Variants in KATNAL2 observed in about 807,000 individuals in gnomAD.
KATNAL2 encodes the protein katanin p60 ATPase-containing subunit A-like 2.
KATNAL2 carries 52 observed loss-of-function variants against 76.3 expected under a neutral mutation model. The observed-to-expected ratio is 0.68, with a 90% CI of 0.55 to 0.86. KATNAL2 has a LOEUF of 0.86. Among genes scored for constraint, KATNAL2 ranks in the 40% least tolerant of loss-of-function variants. The pLI, the probability that KATNAL2 is intolerant of heterozygous loss-of-function variation, is 0.00. For missense variants in KATNAL2, 660 were observed against 668.9 expected (o/e 0.99, Z 0.15); for synonymous variants, 243 against 244.2 (o/e 1.00, Z 0.05).
intron 3 of KATNAL2, chr18:47,034,032 T>C (rs1480913404): frequency 1.9e-6 from 3 of 1,614,180 alleles, no homozygotes; most frequent in African/African-American, 1.3e-5. Context: ...TTGCTTTCCT[T>C]TGTTTATCTC....
At chr18:47,043,231 A>AC (rs1465493699) in intron 3 of KATNAL2, among the ~76,000 whole-genome samples, 1 of 143,582 alleles carries the variant, frequency 7.0e-6, no homozygotes, top group Non-Finnish European at 1.6e-5. Flanking sequence ...CGTTTCAAAA[A>AC]AAAAAAAAAA....
chr18:47,081,906 G>A (rs969591723), intron 15 of KATNAL2, among the ~76,000 whole-genome samples: 4 of 152,106 alleles, frequency 2.6e-5, no homozygotes, highest in Non-Finnish European at 5.9e-5. Context: ...TAGGAAATAC[G>A]TATCTTTAAA....
chr18:47,069,280 C>G lies in KATNAL2; in HGVS notation c.886C>G (p.Pro296Ala). The stretch of plus-strand genomic sequence containing the variant: ...GAAAGGACTACTGCTGTACGGCCCT[C>G]CAGGTAAACACAGCTTCCTATTTTG... ...PWKGLLLYGPPGTGKTLLAKA... is the reference protein window; with the variant it reads ...PWKGLLLYGPAGTGKTLLAKA... Residue 296 changes from proline to alanine, a missense_variant, in exon 12 of 18, where the codon CCA (proline) becomes GCA (alanine). Transcript: ENST00000683218. The G allele has an allele frequency of 1.2e-6, 2 of 1,608,202 alleles. No individual in the cohort carries two copies. The highest frequency in any genetic ancestry group is 1.7e-6 in the Non-Finnish European group (2 of 1,176,708).
At chr18:47,035,655 A>C (rs939261979) in intron 3 of KATNAL2, 1 of 391,676 alleles carries the variant, frequency 2.6e-6, no homozygotes, top group Non-Finnish European at 4.9e-6. Context: ...ATACGTACTC[A>C]TGCCGTCAGC....
intron 15 of KATNAL2, among the ~76,000 whole-genome samples, chr18:47,096,714 C>T (rs911827021): frequency 1.3e-5 from 2 of 152,152 alleles, no homozygotes; most frequent in African/African-American, 4.8e-5. Context: ...CAGACTCACA[C>T]TCAAGATGAT....
chr18:47,070,600 A>G (rs1471766058), intron 13 of KATNAL2, among the ~76,000 whole-genome samples: 1 of 152,212 alleles, frequency 6.6e-6, no homozygotes, highest in Admixed American at 6.5e-5. Context: ...ATATGTAATC[A>G]ATATAAGTGA....
At chr18:47,043,651 C>T (rs1208673784) in intron 3 of KATNAL2, among the ~76,000 whole-genome samples, 1 of 151,940 alleles carries the variant, frequency 6.6e-6, no homozygotes, top group South Asian at 2.1e-4. Flanking sequence ...TAGAGTAGAA[C>T]GGGAGGATAG....
rs548485401 is a variant in KATNAL2, at chr18:46,926,847, C to G, written c.-510+8921C>G. 7.2e-5 allele frequency among the ~76,000 whole-genome samples: 11 copies of G among 152,246 alleles called. No homozygotes were observed. In the East Asian group the frequency reaches 2.1e-3, roughly 29 times the overall value. ...CCCTTTACCATTATGTAATGGCCTT[C>G]TTTGTCTCTTTTGATCTTTGTTGGT... On this transcript the variant is annotated intron_variant, in intron 1 of 17. Coordinates refer to ENST00000683218, the MANE Select transcript of KATNAL2 (RefSeq NM_001387690.1).
chr18:46,938,840 A>G (rs1194295045), intron 1 of KATNAL2, among the ~76,000 whole-genome samples: 3 of 151,978 alleles, frequency 2.0e-5, no homozygotes, highest in African/African-American at 4.8e-5. Flanking sequence ...CTCCAGTATC[A>G]TTATCTATCC....
chr18:47,034,617 C>T (rs2060669097), intron 3 of KATNAL2: 2 of 1,614,146 alleles, frequency 1.2e-6, no homozygotes, highest in African/African-American at 1.3e-5. Context: ...CGGCTTTCCC[C>T]TGGGGTTGGC....
At chr18:46,944,796 C>T (rs948455271) in intron 1 of KATNAL2, among the ~76,000 whole-genome samples, 4 of 151,556 alleles carry the variant, frequency 2.6e-5, no homozygotes, top group Non-Finnish European at 4.4e-5. Flanking sequence ...GGCGTGGTGG[C>T]GTGCACTTGT....
At chr18:46,942,297 C>T (rs1321924262) in intron 1 of KATNAL2, among the ~76,000 whole-genome samples, 3 of 152,140 alleles carry the variant, frequency 2.0e-5, no homozygotes, top group African/African-American at 7.2e-5. Flanking sequence ...AGCTGTTAAG[C>T]TCATCCAGTA....
At position 47,046,501 on chromosome 18, in the gene KATNAL2, G is replaced by A; in HGVS notation, c.96G>A (p.Leu32=). 1 of 1,535,822 alleles carries A rather than the reference G, an allele frequency of 6.5e-7. No homozygotes were observed. The highest frequency in any genetic ancestry group is 8.7e-7 in the Non-Finnish European group (1 of 1,146,672). The change falls in exon 4 of 18, where the codon TTG becomes TTA. Residue 32 remains leucine, a synonymous_variant. Transcript: ENST00000683218. The part of the protein sequence containing the change: ...TEARRKNLLI[L]ISHYLTQEGY... ...CACGACGAAAAAATCTTCTCATTTT[G>A]ATTTCGCATTATTTAACACAAGAAG...
At chr18:47,041,772 T>G (rs753738779) in intron 3 of KATNAL2, among the ~76,000 whole-genome samples, 2 of 152,224 alleles carry the variant, frequency 1.3e-5, no homozygotes, top group South Asian at 4.1e-4. Context: ...TGGTTAGTCT[T>G]TACTTTAAAA....
chr18:47,071,386 TG>T (rs1350119154), intron 13 of KATNAL2, among the ~76,000 whole-genome samples: 2 of 152,200 alleles, frequency 1.3e-5, no homozygotes, highest in Non-Finnish European at 2.9e-5. Flanking sequence ...GCACAGATTT[TG>T]GTACGGGGAA....
chr18:47,060,261 C>G (rs572802114), intron 8 of KATNAL2, among the ~76,000 whole-genome samples: 2 of 152,100 alleles, frequency 1.3e-5, no homozygotes, highest in African/African-American at 4.8e-5. Flanking sequence ...CTTCCCAAAG[C>G]GCTAGGACAT....
At chr18:47,034,819 C>G in intron 3 of KATNAL2, 1 of 1,612,136 alleles carries the variant, frequency 6.2e-7, no homozygotes, top group East Asian at 2.2e-5. Context: ...TCTGGGCTCG[C>G]GACTGTGAGA....
At chr18:47,093,179 G>A (rs1410940995) in intron 15 of KATNAL2, among the ~76,000 whole-genome samples, 1 of 152,176 alleles carries the variant, frequency 6.6e-6, no homozygotes, top group Admixed American at 6.5e-5. Context: ...CATAGGTTTA[G>A]GGACTCGCTG....
intron 3 of KATNAL2, chr18:47,033,946 C>A (rs1263933641): frequency 6.2e-7 from 1 of 1,612,996 alleles, no homozygotes; most frequent in African/African-American, 1.3e-5. Flanking sequence ...CGCCTGCAGC[C>A]TCTCTGACTG....
Sources: allele counts gnomAD v4.1 joint callset (sites outside exome capture counted in the v4.1 genomes callset), GRCh38; gene constraint gnomAD v4.1.1; transcripts MANE v1.5; gene names NCBI Gene and HGNC (gene_info 2026-07-23, HGNC 2026-07-21).